METAP2: variants seen among roughly 807,000 people sequenced by gnomAD.
METAP2 encodes methionyl aminopeptidase 2.
METAP2 carries 25 observed loss-of-function variants against 59.4 expected under a neutral mutation model. That is an observed-to-expected ratio of 0.42 (90% CI 0.31 to 0.59). The LOEUF is 0.59. METAP2 is among the 20% of genes least tolerant of loss of function. The probability of loss-of-function intolerance (pLI) is 0.16; values close to 1 mark genes in which losing one functional copy is unlikely to be tolerated. For missense variants in METAP2, 366 were observed against 581.2 expected, an observed-to-expected ratio of 0.63 and a Z score of 3.81; for synonymous variants, 214 against 194.1, an observed-to-expected ratio of 1.10 and a Z score of -0.85.
Position 95,513,935 on chromosome 12 carries a change from T to C in METAP2, c.*31T>C. The C allele has an allele frequency of 1.3e-6, 2 of 1,574,730 alleles. No individual in the cohort carries two copies. The highest frequency in any genetic ancestry group is 1.7e-6 in the Non-Finnish European group (2 of 1,160,412). On this transcript the variant is annotated 3_prime_UTR_variant, in exon 11 of 11. Coordinates refer to ENST00000323666, the MANE Select transcript of METAP2 (RefSeq NM_006838.4). ...GTCCAAAGCCACCTCAACACCTTTATTTTCTGAGCTTTGTTGGAAAACATG... is the reference window on the plus strand; with the variant it reads ...GTCCAAAGCCACCTCAACACCTTTACTTTCTGAGCTTTGTTGGAAAACATG...
chr12:95,476,541 A>AGAGAGAGAGAGAGAGAGAGAGAGAG (rs2076121221), intron 2 of METAP2, among the ~76,000 whole-genome samples: 1 of 148,964 alleles, frequency 6.7e-6, no homozygotes. Flanking sequence ...AAAGAAAGAA[A>AGAGAGAGAGAGAGAGAGAGAGAGAG]AGCTAGAAAA....
chr12:95,506,224 G>A (rs1007607835), intron 8 of METAP2, among the ~76,000 whole-genome samples: 1 of 151,724 alleles, frequency 6.6e-6, no homozygotes, highest in African/African-American at 2.4e-5. Context: ...TGGGACTACA[G>A]ATGTACAGTA....
intron 8 of METAP2, among the ~76,000 whole-genome samples, chr12:95,508,080 C>G (rs1003633597): frequency 6.6e-6 from 1 of 151,900 alleles, no homozygotes; most frequent in South Asian, 2.1e-4. Flanking sequence ...CGCACCCAGC[C>G]GATTCACATA....
chr12:95,474,750 A>G (rs962061730), intron 1 of METAP2, among the ~76,000 whole-genome samples: 8 of 152,124 alleles, frequency 5.3e-5, no homozygotes, highest in Non-Finnish European at 1.5e-5. Flanking sequence ...GGAGCAAGCT[A>G]GGACTTATTT....
At chr12:95,500,151 G>T (rs371719051) in intron 7 of METAP2, among the ~76,000 whole-genome samples, 3 of 145,640 alleles carry the variant, frequency 2.1e-5, no homozygotes, top group African/African-American at 5.0e-5. Flanking sequence ...TAATTCCTAA[G>T]TTTTTTTTTT....
chr12:95,476,997 A>G (rs986593247), intron 2 of METAP2, among the ~76,000 whole-genome samples: 1 of 152,194 alleles, frequency 6.6e-6, no homozygotes, highest in Non-Finnish European at 1.5e-5. Flanking sequence ...ACAGATAGGG[A>G]AGTGGTAGTT....
intron 4 of METAP2, among the ~76,000 whole-genome samples, chr12:95,489,087 G>T (rs1353181060): frequency 1.3e-5 from 2 of 151,856 alleles, no homozygotes; most frequent in African/African-American, 2.4e-5. Context: ...GTGTTTTATG[G>T]TTTTTGTTAG....
At chr12:95,491,812 A>G (rs1005202863) in intron 4 of METAP2, among the ~76,000 whole-genome samples, 2 of 144,886 alleles carry the variant, frequency 1.4e-5, no homozygotes, top group Admixed American at 1.4e-4. Context: ...ATGCCTGGTC[A>G]TTACTATTTT....
chr12:95,515,188 A>G lies in METAP2; in HGVS notation c.*1284A>G, dbSNP rs2076438264. On this transcript the variant is annotated 3_prime_UTR_variant, in exon 11 of 11. Coordinates refer to ENST00000323666, the MANE Select transcript of METAP2 (RefSeq NM_006838.4). ...GTATTTTGTTGAACGTTTTTATCCT[A>G]GGAAGAGAAACCTATGACTTGTGTA... The G allele has an allele frequency of 2.6e-5, 4 of 152,624 alleles. No homozygotes were observed. The highest frequency in any genetic ancestry group is 2.6e-4 in the Admixed American group (4 of 15,274). The allele number at this position is 152,624 out of a possible 1,614,324, so 9.5% of individuals were successfully genotyped here.
At chr12:95,485,133 T>G (rs2076186449) in intron 3 of METAP2, among the ~76,000 whole-genome samples, 1 of 152,158 alleles carries the variant, frequency 6.6e-6, no homozygotes, top group Non-Finnish European at 1.5e-5. Flanking sequence ...TACATTATAA[T>G]TTTCGAAGGT....
At chr12:95,499,025 AAAAG>A (rs2076296788) in intron 7 of METAP2, among the ~76,000 whole-genome samples, 1 of 152,128 alleles carries the variant, frequency 6.6e-6, no homozygotes, top group East Asian at 1.9e-4. Flanking sequence ...CAAAAAAAAA[AAAAG>A]AAATCATTTG....
At chr12:95,512,093 A>C in intron 9 of METAP2, 95 bp downstream of exon 9, 1 of 793,332 alleles carries the variant, frequency 1.3e-6, no homozygotes. Context: ...TACTGACCAG[A>C]ATTAGCTGCT....
chr12:95,498,409 T>C (rs2076291182), intron 7 of METAP2, among the ~76,000 whole-genome samples: 1 of 152,222 alleles, frequency 6.6e-6, no homozygotes, highest in Non-Finnish European at 1.5e-5. Context: ...ACTCCGGATA[T>C]TGTGTTTTGA....
chr12:95,494,520 G>A (rs1490618727), intron 5 of METAP2, among the ~76,000 whole-genome samples: 1 of 152,150 alleles, frequency 6.6e-6, no homozygotes, highest in East Asian at 1.9e-4. Flanking sequence ...TGGAGCAATT[G>A]CCCAAATACA....
chr12:95,489,020 C>T (rs10859887), intron 4 of METAP2, among the ~76,000 whole-genome samples: 43,530 of 151,986 alleles, frequency 0.29, 6,813 homozygotes, highest in East Asian at 0.48. Context: ...TATTTTTTCA[C>T]TTATTCAATT....
intron 7 of METAP2, among the ~76,000 whole-genome samples, chr12:95,501,271 T>A (rs750702250): frequency 3.3e-5 from 5 of 152,130 alleles, no homozygotes; most frequent in Non-Finnish European, 7.4e-5. Flanking sequence ...CAAGCCATCC[T>A]CCCACCTTGG....
chr12:95,488,944 T>C (rs1450024508), intron 4 of METAP2, among the ~76,000 whole-genome samples: 7 of 152,186 alleles, frequency 4.6e-5, no homozygotes, highest in Admixed American at 4.6e-4. Context: ...TTTATATTTA[T>C]GTATTAGTTT....
chr12:95,501,725 A>T (rs2076317306), intron 7 of METAP2, among the ~76,000 whole-genome samples: 1 of 152,130 alleles, frequency 6.6e-6, no homozygotes, highest in African/African-American at 2.4e-5. Flanking sequence ...AAAAGAAAAA[A>T]AAAAAAAGTA....
In METAP2 at chr12:95,477,857, T is replaced by A. The variant is rs558547290; in HGVS notation, c.259+1679T>A. On this transcript the variant is annotated intron_variant, in intron 2 of 10. Coordinates refer to ENST00000323666, the MANE Select transcript of METAP2 (RefSeq NM_006838.4). ...CCAAGATTCAAGGGAATTACTAGCT[T>A]TTCCTCTTCCTTAAACCTCTGTTCT... Among the ~76,000 whole-genome samples the A allele has an allele frequency of 1.6e-4, 25 of 152,352 alleles. No homozygotes were observed. The South Asian group carries it at 5.2e-3, about 32-fold the overall frequency.
Sources: gnomAD v4.1 joint callset for allele counts (sites outside exome capture counted in the v4.1 genomes callset) on GRCh38, gnomAD v4.1.1 for gene constraint, MANE v1.5 for transcripts, NCBI Gene and HGNC (gene_info 2026-07-23, HGNC 2026-07-21) for gene names.